HAUS6: variants seen among roughly 807,000 people sequenced by gnomAD.
HAUS6 encodes HAUS augmin like complex subunit 6.
HAUS6 carries 80 observed loss-of-function variants against 106.8 expected under a neutral mutation model. The ratio of observed to expected loss-of-function variants is 0.75; its 90% CI spans 0.63 to 0.90. The LOEUF is 0.90. Among genes scored for constraint, HAUS6 ranks in the 40% least tolerant of loss-of-function variants. HAUS6 has a pLI of 0.00. For synonymous variants in HAUS6, 356 were observed against 379.1 expected (o/e 0.94, Z 0.71); for missense variants, 1,155 against 1,118.1 (o/e 1.03, Z -0.47).
chr9:19,089,425 G>C lies in HAUS6; in HGVS notation c.571C>G (p.Gln191Glu). Reference sequence around the variant, plus strand: ...GGTACTACTTACTGTGCATTTTCCTGATATTTTTGGGTAACACAATCTTGT... The same window carrying C: ...GGTACTACTTACTGTGCATTTTCCTCATATTTTTGGGTAACACAATCTTGT... ...QRQDCVTQKY[Q>E]ENAQLSVKQV... is the part of the protein sequence containing the mutation. Residue 191 changes from glutamine (Q) to glutamate (E), a missense_variant, in exon 5 of 17, where the codon CAG becomes GAG. Coordinates refer to ENST00000380502, the MANE Select transcript of HAUS6 (RefSeq NM_017645.5). 6.2e-7 allele frequency: 1 copy of C among 1,607,474 alleles called. No individual in the cohort carries two copies. Among genetic ancestry groups the C allele is most frequent in the Non-Finnish European group, 8.5e-7 (1 of 1,174,046 alleles).
chr9:19,060,919 T>C (rs1836600546), intron 14 of HAUS6, among the ~76,000 whole-genome samples: 1 of 152,174 alleles, frequency 6.6e-6, no homozygotes, highest in Non-Finnish European at 1.5e-5. Flanking sequence ...CCCAGCACTT[T>C]GGGAGGCCGA....
At chr9:19,064,116 C>T (rs904936737) in intron 12 of HAUS6, among the ~76,000 whole-genome samples, 12 of 152,132 alleles carry the variant, frequency 7.9e-5, no homozygotes, top group East Asian at 5.8e-4. Flanking sequence ...TACAGGCATG[C>T]GCCACAACAC....
rs1160421278 is a variant in HAUS6 at position 19,080,521 on chromosome 9, G to C, written c.1022C>G (p.Thr341Ser). The change falls in exon 9 of 17, where the codon ACC becomes AGC. Residue 341 changes from threonine (T) to serine (S), a missense_variant. This residue lies in a region of HAUS6 where 761 missense variants were observed against 690.0 expected (regional missense o/e 1.10). Coordinates refer to ENST00000380502, the MANE Select transcript of HAUS6 (RefSeq NM_017645.5). ...TVDLHYLEKE[T>S]KFQKERLSDL... The stretch of plus-strand genomic sequence containing the variant: ...TGATAATCTTTCCTTCTGAAATTTG[G>C]TCTCTTTTTCAAGGTAGTGAAGGTC... 3 of 1,608,950 alleles carry C rather than the reference G, an allele frequency of 1.9e-6. No homozygotes were observed. Among genetic ancestry groups the C allele is most frequent in the Non-Finnish European group, 2.5e-6 (3 of 1,177,192 alleles).
chr9:19,081,108 A>G (rs1316470261), intron 8 of HAUS6, among the ~76,000 whole-genome samples: 1 of 152,170 alleles, frequency 6.6e-6, no homozygotes, highest in Non-Finnish European at 1.5e-5. Flanking sequence ...GGGGGAAAAA[A>G]ATCAAATACC....
chr9:19,087,231 C>G, intron 5 of HAUS6, 75 bp from the exon 6 acceptor site: 1 of 857,198 alleles, frequency 1.2e-6, no homozygotes, highest in Non-Finnish European at 2.0e-6. Context: ...TCTATTTTCC[C>G]TTTGCATATC....
intron 11 of HAUS6, among the ~76,000 whole-genome samples, chr9:19,071,906 T>C (rs1017339600): frequency 2.6e-5 from 4 of 151,672 alleles, no homozygotes; most frequent in Non-Finnish European, 4.4e-5. Flanking sequence ...AATCAAAAAT[T>C]AACTAACTAT....
At position 19,055,191 on chromosome 9, in the gene HAUS6, A is replaced by G. The variant is rs1219742163; in HGVS notation, c.*1152T>C. On this transcript the variant is annotated 3_prime_UTR_variant, in exon 17 of 17. Coordinates refer to ENST00000380502, the MANE Select transcript of HAUS6 (RefSeq NM_017645.5). ...TTCCCCTCCACCTTCTTTCCTTGCC[A>G]GTTTTTTGGGGGCTAGTGGACAAGA... 6.6e-6 allele frequency: 1 copy of G among 152,184 alleles called. No homozygotes were observed. Among genetic ancestry groups the G allele is most frequent in the Non-Finnish European group, 1.5e-5 (1 of 68,028 alleles). 9.4% of individuals were successfully genotyped at this position (152,184 alleles called of 1,614,324 possible).
At chr9:19,056,439 T>C (rs756237604) in intron 16 of HAUS6, 35 bp from the exon 17 acceptor site, 22 of 1,170,970 alleles carry the variant, frequency 1.9e-5, no homozygotes, top group Admixed American at 6.9e-5. Flanking sequence ...TAAGCAAACA[T>C]TACAAAGAAA....
intron 8 of HAUS6, 152 bp from the exon 9 acceptor site, chr9:19,080,824 C>T (rs62563640): frequency 0.12 from 67,313 of 571,110 alleles, 5,218 homozygotes; most frequent in African/African-American, 0.29. Context: ...TCCCAGCACT[C>T]TGGGAGTTGG....
At chr9:19,097,388 C>CA (rs1472123354) in intron 1 of HAUS6, among the ~76,000 whole-genome samples, 5 of 151,834 alleles carry the variant, frequency 3.3e-5, no homozygotes, top group Non-Finnish European at 5.9e-5. Flanking sequence ...AAAATGAACT[C>CA]AAACAAATTT....
chr9:19,092,726 C>T (rs1043735163), intron 4 of HAUS6, among the ~76,000 whole-genome samples: 9 of 149,984 alleles, frequency 6.0e-5, no homozygotes, highest in Non-Finnish European at 1.2e-4. Context: ...GAGTTCAAGA[C>T]CAGCCTGGCT....
At chr9:19,084,952 G>A (rs543569739) in intron 7 of HAUS6, among the ~76,000 whole-genome samples, 1 of 151,602 alleles carries the variant, frequency 6.6e-6, no homozygotes, top group South Asian at 2.1e-4. Context: ...TTTTTAAGAC[G>A]GGTCTCGCTC....
intron 2 of HAUS6, among the ~76,000 whole-genome samples, chr9:19,095,002 T>C (rs942650238): frequency 2.4e-4 from 36 of 151,958 alleles, no homozygotes; most frequent in African/African-American, 8.7e-4. Flanking sequence ...ATGGATCCAC[T>C]GGACTAGTGC....
chr9:19,099,965 A>G (rs1817952487), intron 1 of HAUS6, among the ~76,000 whole-genome samples: 1 of 152,224 alleles, frequency 6.6e-6, no homozygotes, highest in Admixed American at 6.5e-5. Context: ...AGGCCAAGGC[A>G]GGTGGATCAC....
intron 12 of HAUS6, among the ~76,000 whole-genome samples, chr9:19,065,579 G>A (rs902420092): frequency 4.6e-5 from 7 of 152,156 alleles, no homozygotes; most frequent in African/African-American, 1.4e-4. Flanking sequence ...GGTGGCTCAC[G>A]CCTGTAATCC....
chr9:19,058,732 G>A lies in HAUS6; in HGVS notation c.2035C>T (p.Pro679Ser). The A allele has an allele frequency of 6.2e-7, 1 of 1,614,106 alleles. No homozygotes were observed. The highest frequency in any genetic ancestry group is 8.5e-7 in the Non-Finnish European group (1 of 1,180,002). Residue 679 changes from proline (P) to serine (S), a missense_variant, in exon 16 of 17, where the codon CCA becomes TCA. Transcript: ENST00000380502. Reference sequence around the variant, plus strand: ...AACAAATCTGACTGATTTTGTGTTGGTGGTTCATCTATGTGACTGGTCAGC... The same window carrying A: ...AACAAATCTGACTGATTTTGTGTTGATGGTTCATCTATGTGACTGGTCAGC... The part of the protein sequence containing the change: ...HVLTSHIDEP[P>S]TQNQSDLLNK...
At chr9:19,090,206 G>A (rs144484789) in intron 4 of HAUS6, among the ~76,000 whole-genome samples, 2 of 151,932 alleles carry the variant, frequency 1.3e-5, no homozygotes, top group South Asian at 2.1e-4. Flanking sequence ...TTCTAAAGGC[G>A]AGTTATTTTA....
At chr9:19,089,074 C>A (rs1042235023) in intron 5 of HAUS6, among the ~76,000 whole-genome samples, 2 of 152,086 alleles carry the variant, frequency 1.3e-5, no homozygotes, top group Non-Finnish European at 2.9e-5. Flanking sequence ...GAAACCCCGT[C>A]TCTATTAAAA....
intron 2 of HAUS6, among the ~76,000 whole-genome samples, chr9:19,095,045 G>A (rs1296351157): frequency 6.6e-6 from 1 of 151,796 alleles, no homozygotes; most frequent in Non-Finnish European, 1.5e-5. Flanking sequence ...AGTAAATTAA[G>A]CCTGAAAAGA....
Sources: gnomAD v4.1 joint callset for allele counts (sites outside exome capture counted in the v4.1 genomes callset) on GRCh38, gnomAD v4.1.1 for gene constraint, gnomAD v4.1.1 regional missense constraint, MANE v1.5 for transcripts, NCBI Gene and HGNC (gene_info 2026-07-23, HGNC 2026-07-21) for gene names.